Variants in MALRD1 observed in about 807,000 individuals in gnomAD.
The protein encoded by MALRD1 is MAM and LDL-receptor class A domain-containing protein 1.
MALRD1 carries 247 observed loss-of-function variants against 242.1 expected under a neutral mutation model. The ratio of observed to expected loss-of-function variants is 1.02; its 90% confidence interval spans 0.92 to 1.13. MALRD1 has a LOEUF of 1.13. MALRD1 is among the 50% of genes most tolerant of loss of function. The pLI is 0.00. For synonymous variants in MALRD1, 995 were observed against 866.6 expected, an observed-to-expected ratio of 1.15 and a Z score of -2.60; for missense variants, 2,989 against 2,533.1, an observed-to-expected ratio of 1.18 and a Z score of -3.86.
chr10:19,324,432 G>A (rs2130897623), intron 22 of MALRD1, among the ~76,000 whole-genome samples: 1 of 152,116 alleles, frequency 6.6e-6, no homozygotes, highest in African/African-American at 2.4e-5. Flanking sequence ...ATACACTTGG[G>A]TAATATCTGG....
Position 19,128,807 on chromosome 10 carries a change from A to G in MALRD1, c.1110+420A>G, listed in dbSNP as rs374827636. Among the ~76,000 whole-genome samples, 103 of 152,238 alleles carry G rather than the reference A, an allele frequency of 6.8e-4. No homozygotes were observed. In the South Asian group the frequency reaches 0.015, roughly 21 times the overall value. ...AGTAGACATAATTTTTAAGACTGGT[A>G]ATTATTGATTAAATATTGAACAATG... On this transcript the variant is annotated intron_variant, in intron 8 of 39. Transcript: ENST00000454679.
At chr10:19,557,753 C>T (rs936314599) in intron 32 of MALRD1, among the ~76,000 whole-genome samples, 6 of 151,990 alleles carry the variant, frequency 3.9e-5, no homozygotes, top group East Asian at 3.8e-4. Context: ...GTTGGTTATT[C>T]GGAGTCTTTG....
intron 21 of MALRD1, among the ~76,000 whole-genome samples, chr10:19,294,365 C>A (rs80355567): frequency 0.13 from 20,277 of 152,082 alleles, 1,469 homozygotes; most frequent in East Asian, 0.19. Context: ...ATGAATATGC[C>A]ATATGAAATA....
chr10:19,504,744 G>T (rs868264750), intron 31 of MALRD1, among the ~76,000 whole-genome samples: 2 of 137,046 alleles, frequency 1.5e-5, no homozygotes, highest in Non-Finnish European at 3.0e-5. Flanking sequence ...CTGCAGTGGC[G>T]CAATCTCGGC....
At chr10:19,503,019 G>A (rs1480257229) in intron 31 of MALRD1, among the ~76,000 whole-genome samples, 1 of 152,066 alleles carries the variant, frequency 6.6e-6, no homozygotes, top group East Asian at 1.9e-4. Flanking sequence ...GGTTATTTAT[G>A]TAATGTTATA....
chr10:19,191,380 T>G (rs149803911), intron 14 of MALRD1, among the ~76,000 whole-genome samples: 77 of 152,260 alleles, frequency 5.1e-4, no homozygotes, highest in Non-Finnish European at 1.0e-3. Context: ...TCAGAACTCT[T>G]GTGCACTGTT....
intron 36 of MALRD1, among the ~76,000 whole-genome samples, chr10:19,621,085 T>C (rs1380496821): frequency 6.6e-6 from 1 of 151,502 alleles, no homozygotes; most frequent in Non-Finnish European, 1.5e-5. Flanking sequence ...TTGTAAACTA[T>C]CTCAAATTTC....
At chr10:19,152,138 A>T (rs1443647328) in intron 11 of MALRD1, among the ~76,000 whole-genome samples, 2 of 152,148 alleles carry the variant, frequency 1.3e-5, no homozygotes, top group East Asian at 3.9e-4. Flanking sequence ...TGGGTGTGTG[A>T]GAGTTTTACA....
intron 28 of MALRD1, among the ~76,000 whole-genome samples, chr10:19,415,826 A>C (rs1394883663): frequency 6.6e-6 from 1 of 152,218 alleles, no homozygotes; most frequent in African/African-American, 2.4e-5. Flanking sequence ...GGTCTTTATA[A>C]AATCTCTAGA....
chr10:19,088,004 G>A lies in MALRD1; in HGVS notation c.436-20G>A, dbSNP rs1436583877. 8.1e-7 allele frequency: 1 copy of A among 1,233,118 alleles called. No individual in the cohort carries two copies. The highest frequency in any genetic ancestry group is 3.2e-5 in the East Asian group (1 of 31,664). 76.4% of individuals were successfully genotyped at this position (1,233,118 alleles called of 1,614,324 possible). On this transcript the variant is annotated intron_variant, in intron 3 of 39. Coordinates refer to ENST00000454679, the MANE Select transcript of MALRD1 (RefSeq NM_001142308.3). Reference sequence around the variant, plus strand: ...GGACTTCTTTATCATAATTGTTTGGGTACTAATTGTCTTTCACAGATTACA... The same window carrying A: ...GGACTTCTTTATCATAATTGTTTGGATACTAATTGTCTTTCACAGATTACA...
Position 19,677,917 on chromosome 10 carries a change from A to C in MALRD1, c.6138-14365A>C, listed in dbSNP as rs146053301. On this transcript the variant is annotated intron_variant, in intron 36 of 39. Transcript: ENST00000454679. ...CCAGTTATCCCAGCACCATTTATTA[A>C]ATAGGGAATCCTTTCCTCATTGCTA... 1.2e-3 allele frequency among the ~76,000 whole-genome samples: 187 copies of C among 152,306 alleles called. 3 individuals are homozygous for C. The East Asian group carries it at 0.029, about 24-fold the overall frequency.
intron 38 of MALRD1, among the ~76,000 whole-genome samples, chr10:19,713,256 C>G (rs1005981793): frequency 6.6e-6 from 1 of 152,212 alleles, no homozygotes; most frequent in Non-Finnish European, 1.5e-5. Flanking sequence ...TAAAATTACT[C>G]TGTCAAATTG....
In MALRD1 at chr10:19,327,560, T is replaced by C. The variant is rs1843187772; in HGVS notation, c.3577-3T>C. 2 of 1,546,664 alleles carry C rather than the reference T, an allele frequency of 1.3e-6. No homozygotes were observed. The highest frequency in any genetic ancestry group is 2.4e-5 in the East Asian group (1 of 40,892). On this transcript the variant is annotated splice_polypyrimidine_tract_variant and splice_region_variant and intron_variant, in intron 22 of 39. Transcript: ENST00000454679. ...GTGCCTTTTACTTGATTTATCTCTA[T>C]AGGTGCTCATCAAGAAAGATAACGT...
At chr10:19,731,978 A>C (rs1366288029) in intron 39 of MALRD1, among the ~76,000 whole-genome samples, 1 of 152,142 alleles carries the variant, frequency 6.6e-6, no homozygotes, top group Non-Finnish European at 1.5e-5. Context: ...AAAGCACTTG[A>C]CTTTTTAATT....
At chr10:19,073,803 A>T (rs1003983061) in intron 2 of MALRD1, among the ~76,000 whole-genome samples, 4 of 152,134 alleles carry the variant, frequency 2.6e-5, no homozygotes, top group African/African-American at 9.7e-5. Context: ...TCTTTGAGAC[A>T]CATGTTTGGG....
chr10:19,696,886 A>G (rs952951978), intron 38 of MALRD1, among the ~76,000 whole-genome samples: 2 of 152,200 alleles, frequency 1.3e-5, no homozygotes, highest in African/African-American at 4.8e-5. Context: ...ACCACACTCC[A>G]ACCTGGGTGA....
At chr10:19,228,501 T>C (rs1251210265) in intron 18 of MALRD1, among the ~76,000 whole-genome samples, 1 of 152,230 alleles carries the variant, frequency 6.6e-6, no homozygotes, top group East Asian at 1.9e-4. Context: ...CCATAACCCA[T>C]TAAATTGCAC....
intron 5 of MALRD1, 119 bp from the exon 6 acceptor site, chr10:19,123,373 C>T (rs1265937409): frequency 7.1e-6 from 3 of 420,488 alleles, no homozygotes; most frequent in East Asian, 7.3e-5. Context: ...GTGATGATAC[C>T]ATAAAGAGAA....
chr10:19,472,836 CTT>C (rs778881041), intron 29 of MALRD1, among the ~76,000 whole-genome samples: 259 of 151,492 alleles, frequency 1.7e-3, no homozygotes, highest in Non-Finnish European at 3.0e-3. Context: ...AAAAAACAAA[CTT>C]GTAGTTTTTT....
Sources: allele counts gnomAD v4.1 joint callset (sites outside exome capture counted in the v4.1 genomes callset), GRCh38; gene constraint gnomAD v4.1.1; transcripts MANE v1.5; gene names NCBI Gene and HGNC (gene_info 2026-07-23, HGNC 2026-07-21).